AKAP7: variants seen among roughly 807,000 people sequenced by gnomAD.
AKAP7 encodes the protein A-kinase anchoring protein 7.
A neutral mutation model predicts 39.5 loss-of-function variants in AKAP7; 39 were observed. The ratio of observed to expected loss-of-function variants is 0.99; its 90% CI spans 0.76 to 1.29. AKAP7 has a LOEUF of 1.29. AKAP7 is among the 50% of genes most tolerant of loss of function. AKAP7 has a pLI of 0.00. For synonymous variants in AKAP7, 140 were observed against 139.1 expected, an observed-to-expected ratio of 1.01 and a Z score of -0.05; for missense variants, 414 against 407.7, an observed-to-expected ratio of 1.02 and a Z score of -0.13.
At chr6:131,256,364 A>C (rs1385591621) in intron 7 of AKAP7, among the ~76,000 whole-genome samples, 1 of 152,230 alleles carries the variant, frequency 6.6e-6, no homozygotes, top group African/African-American at 2.4e-5. Context: ...GCTAGTACTT[A>C]CTATTCTTAT....
intron 7 of AKAP7, among the ~76,000 whole-genome samples, chr6:131,252,335 T>C (rs1287480833): frequency 6.6e-6 from 1 of 152,142 alleles, no homozygotes; most frequent in Admixed American, 6.6e-5. Flanking sequence ...TTAGAAGAAA[T>C]GCATTTGCAC....
chr6:131,241,152 C>T (rs1811520395), intron 7 of AKAP7, among the ~76,000 whole-genome samples: 1 of 152,144 alleles, frequency 6.6e-6, no homozygotes, highest in Non-Finnish European at 1.5e-5. Flanking sequence ...AGAAAAGACA[C>T]TCTGCTGGTA....
At chr6:131,246,078 G>T (rs1312254582) in intron 7 of AKAP7, among the ~76,000 whole-genome samples, 3 of 144,918 alleles carry the variant, frequency 2.1e-5, no homozygotes, top group Non-Finnish European at 4.5e-5. Context: ...TTTCCATGAG[G>T]TTTCTCAGAA....
intron 6 of AKAP7, among the ~76,000 whole-genome samples, chr6:131,200,347 A>C (rs1234843185): frequency 6.6e-6 from 1 of 152,108 alleles, no homozygotes; most frequent in Non-Finnish European, 1.5e-5. Context: ...TCCTCATGCA[A>C]ATTCAGACAT....
intron 3 of AKAP7, among the ~76,000 whole-genome samples, chr6:131,163,748 A>G (rs537876641): frequency 4.6e-5 from 7 of 152,310 alleles, no homozygotes; most frequent in South Asian, 2.1e-4. Flanking sequence ...TTAACTTTCA[A>G]TTGCATGTTA....
At chr6:131,258,237 A>G (rs571760215) in intron 7 of AKAP7, among the ~76,000 whole-genome samples, 27 of 152,350 alleles carry the variant, frequency 1.8e-4, no homozygotes, top group African/African-American at 5.3e-4. Context: ...AGGTATGATG[A>G]TGAGTAACAC....
intron 6 of AKAP7, among the ~76,000 whole-genome samples, chr6:131,213,414 AGT>A (rs1458430013): frequency 6.6e-6 from 1 of 152,232 alleles, no homozygotes; most frequent in African/African-American, 2.4e-5. Context: ...TTAAGTTGTA[AGT>A]GTATGTGGGA....
chr6:131,275,449 C>A (rs1485384589), intron 7 of AKAP7, among the ~76,000 whole-genome samples: 1 of 152,186 alleles, frequency 6.6e-6, no homozygotes, highest in Non-Finnish European at 1.5e-5. Context: ...TGTCATATCA[C>A]CATCAGTATT....
chr6:131,244,321 CCGTTGACACAAGAG>C (rs1811830537), intron 7 of AKAP7, among the ~76,000 whole-genome samples: 1 of 152,102 alleles, frequency 6.6e-6, no homozygotes, highest in Admixed American at 6.6e-5. Flanking sequence ...CTGGTGGCAC[CCGTTGACACAAGAG>C]TTAACTTTAC....
intron 5 of AKAP7, among the ~76,000 whole-genome samples, chr6:131,175,342 T>C (rs1053364925): frequency 2.0e-5 from 3 of 152,214 alleles, no homozygotes; most frequent in Non-Finnish European, 4.4e-5. Context: ...ACCTGCTTAG[T>C]TCAAACCTGT....
intron 7 of AKAP7, among the ~76,000 whole-genome samples, chr6:131,254,873 C>G (rs1352634229): frequency 6.6e-6 from 1 of 152,154 alleles, no homozygotes. Flanking sequence ...GGATGAATTA[C>G]TGGGACCATT....
intron 2 of AKAP7, among the ~76,000 whole-genome samples, chr6:131,156,662 A>G (rs1469744611): frequency 6.6e-6 from 1 of 152,066 alleles, no homozygotes; most frequent in Admixed American, 6.5e-5. Flanking sequence ...AAAAATAACA[A>G]AAAAAGAACT....
rs762553677 is a variant in AKAP7 at position 131,219,647 on chromosome 6, T to C, written c.703-14T>C. The C allele has an allele frequency of 6.3e-7, 1 of 1,585,128 alleles. No homozygotes were observed. The highest frequency in any genetic ancestry group is 8.6e-7 in the Non-Finnish European group (1 of 1,166,826). ...TGAAATGATTGATTGATTGATTTGTTTTTTCATTTCAAGGGAGTGAAAAAA... is the reference window on the plus strand; with the variant it reads ...TGAAATGATTGATTGATTGATTTGTCTTTTCATTTCAAGGGAGTGAAAAAA... On this transcript the variant is annotated splice_polypyrimidine_tract_variant and intron_variant, in intron 6 of 7. Coordinates refer to ENST00000431975, the MANE Select transcript of AKAP7 (RefSeq NM_016377.4).
chr6:131,175,669 G>A (rs1208170510), intron 5 of AKAP7, among the ~76,000 whole-genome samples: 1 of 152,202 alleles, frequency 6.6e-6, no homozygotes, highest in Admixed American at 6.5e-5. Context: ...GAAAACAGCA[G>A]AAGTAGGAAA....
At chr6:131,172,597 G>T (rs1469020672) in intron 5 of AKAP7, among the ~76,000 whole-genome samples, 2 of 151,910 alleles carry the variant, frequency 1.3e-5, no homozygotes, top group African/African-American at 4.8e-5. Flanking sequence ...TAAAGTGTTG[G>T]GATTACAGGC....
chr6:131,144,391 A>G (rs1276744769), intron 1 of AKAP7, among the ~76,000 whole-genome samples: 1 of 152,250 alleles, frequency 6.6e-6, no homozygotes, highest in African/African-American at 2.4e-5. Context: ...GAGTATTACA[A>G]GAGAATGAAT....
chr6:131,186,481 C>G (rs79566735), intron 5 of AKAP7, among the ~76,000 whole-genome samples: 18,953 of 152,106 alleles, frequency 0.12, 1,376 homozygotes, highest in Non-Finnish European at 0.15. Flanking sequence ...TGTCTTTTCT[C>G]ATTGAATGAT....
At chr6:131,249,829 T>G (rs1308013607) in intron 7 of AKAP7, among the ~76,000 whole-genome samples, 2 of 152,156 alleles carry the variant, frequency 1.3e-5, no homozygotes, top group African/African-American at 4.8e-5. Context: ...TGTTGACATA[T>G]TTGATGGTAT....
chr6:131,217,698 T>C (rs1286862516), intron 6 of AKAP7, among the ~76,000 whole-genome samples: 1 of 152,222 alleles, frequency 6.6e-6, no homozygotes, highest in African/African-American at 2.4e-5. Context: ...TTTGCTGAAA[T>C]TAAATTAATA....
Sources: gnomAD v4.1 joint callset for allele counts (sites outside exome capture counted in the v4.1 genomes callset) on GRCh38, gnomAD v4.1.1 for gene constraint, MANE v1.5 for transcripts, NCBI Gene and HGNC (gene_info 2026-07-23, HGNC 2026-07-21) for gene names.